The following CELA3B variants were observed in gnomAD, a reference collection of about 807,000 sequenced individuals.
CELA3B encodes chymotrypsin-like elastase family member 3B.
CELA3B carries 34 observed loss-of-function variants against 37.2 expected under a neutral mutation model. The ratio of observed to expected loss-of-function variants is 0.91; its 90% confidence interval spans 0.70 to 1.22. CELA3B has a LOEUF of 1.22. CELA3B is among the 50% of genes most tolerant of loss of function. CELA3B has a pLI of 0.00. For missense variants in CELA3B, 340 were observed against 363.1 expected (o/e 0.94, Z 0.52); for synonymous variants, 127 against 143.5 (o/e 0.89, Z 0.82).
intron 4 of CELA3B, among the ~76,000 whole-genome samples, chr1:21,995,304 A>C (rs1408895939): frequency 2.0e-5 from 3 of 150,450 alleles, no homozygotes; most frequent in Non-Finnish European, 3.0e-5. Context: ...ACGTCTGGCT[A>C]ATTTTTGTAT....
intron 2 of CELA3B, among the ~76,000 whole-genome samples, chr1:21,979,686 T>A (rs1644793546): frequency 6.6e-6 from 1 of 151,182 alleles, no homozygotes; most frequent in Non-Finnish European, 1.5e-5. Context: ...ACTTCTGAGC[T>A]CCAGTGATCC....
At chr1:21,993,658 C>G (rs1299761535), downstream of CELA3B, among the ~76,000 whole-genome samples, 1 of 148,016 alleles carries the variant, frequency 6.8e-6, no homozygotes, top group South Asian at 2.1e-4. Flanking sequence ...ATCCTCGCAC[C>G]TCAACCTCCC....
chr1:21,998,552 T>G (rs1174423186), exon 5 of CELA3B: 2 of 172,554 alleles, frequency 1.2e-5, no homozygotes, highest in East Asian at 1.4e-4. Flanking sequence ...TCAACCGTGC[T>G]TTCAGGGTAG....
At chr1:21,986,081 A>G (rs1170969138) in intron 6 of CELA3B, among the ~76,000 whole-genome samples, 2 of 141,600 alleles carry the variant, frequency 1.4e-5, no homozygotes, top group Non-Finnish European at 1.5e-5. Context: ...CCTATCACAA[A>G]TGAGTCAGCT....
intron 4 of CELA3B, among the ~76,000 whole-genome samples, chr1:21,995,116 A>G (rs1189693841): frequency 1.4e-5 from 2 of 147,508 alleles, no homozygotes; most frequent in South Asian, 2.1e-4. Context: ...GCTGTCCCCA[A>G]TATTGGCTCT....
At position 21,977,063 on chromosome 1, in the gene CELA3B, C is replaced by T; in HGVS notation, c.24C>T (p.Ser8=). Residue 8 remains serine, a synonymous_variant, in exon 1 of 8, where the codon TCC becomes TCT. Coordinates refer to ENST00000337107, the MANE Select transcript of CELA3B (RefSeq NM_007352.4). ...TCATGATGCTCCGGCTGCTCAGTTC[C>T]CTCCTCCTTGTGGCCGTTGGTAAGA... MMLRLLS[S]LLLVAVASGY... The T allele has an allele frequency of 6.2e-7, 1 of 1,614,156 alleles. No individual in the cohort carries two copies. Among genetic ancestry groups the T allele is most frequent in the South Asian group, 1.1e-5 (1 of 91,080 alleles).
intron 6 of CELA3B, among the ~76,000 whole-genome samples, chr1:21,984,788 A>T (rs1255218292): frequency 3.3e-5 from 5 of 152,000 alleles, no homozygotes; most frequent in Non-Finnish European, 4.4e-5. Context: ...CTCTACTAAA[A>T]ATACAAAAAT....
intron 7 of CELA3B, among the ~76,000 whole-genome samples, 177 bp from the exon 8 acceptor site, chr1:21,989,085 C>T (rs1245345964): frequency 1.3e-5 from 2 of 151,952 alleles, no homozygotes; most frequent in African/African-American, 4.9e-5. Flanking sequence ...CAAGAACCCC[C>T]CCATGAGGTA....
chr1:21,978,506 G>C, intron 2 of CELA3B, 52 bp downstream of exon 2: 2 of 1,597,738 alleles, frequency 1.3e-6, no homozygotes, highest in African/African-American at 1.3e-5. Flanking sequence ...TGGACCCTAA[G>C]CTCTAATGGC....
rs202069060 is a variant in CELA3B at position 21,977,031 on chromosome 1, G to T, written c.-9G>T. On this transcript the variant is annotated 5_prime_UTR_variant, in exon 1 of 8. Transcript: ENST00000337107. ...GGTTCTGTGCCCTTTTCCTATCATC[G>T]CAAAACTCATGATGCTCCGGCTGCT... 1 of 1,584,936 alleles carries T rather than the reference G, an allele frequency of 6.3e-7. No individual in the cohort carries two copies. The highest frequency in any genetic ancestry group is 8.6e-7 in the Non-Finnish European group (1 of 1,164,790).
At chr1:21,980,438 C>T (rs1173038997) in intron 2 of CELA3B, among the ~76,000 whole-genome samples, 1 of 152,116 alleles carries the variant, frequency 6.6e-6, no homozygotes, top group African/African-American at 2.4e-5. Context: ...GAGATTGCCA[C>T]CATTGCACTC....
At chr1:21,992,417 A>T (rs1644872529), downstream of CELA3B, among the ~76,000 whole-genome samples, 1 of 151,812 alleles carries the variant, frequency 6.6e-6, no homozygotes, top group African/African-American at 2.4e-5. Flanking sequence ...AAGCATGACA[A>T]CAAGACCCTG....
rs780470474 is a variant in CELA3B at position 21,978,451 on chromosome 1, G to T, written c.126G>T (p.Trp42Cys). 2 of 1,614,050 alleles carry T rather than the reference G, an allele frequency of 1.2e-6. No individual in the cohort carries two copies. Among genetic ancestry groups the T allele is most frequent in the Admixed American group, 1.7e-5 (1 of 60,014 alleles). Residue 42 changes from tryptophan (W) to cysteine (C), a missense_variant, in exon 2 of 8, where the codon TGG (tryptophan) becomes TGT (cysteine). By Grantham distance (215) the Trp-to-Cys change is radical. Coordinates refer to ENST00000337107, the MANE Select transcript of CELA3B (RefSeq NM_007352.4). ...ATGCGGTCCCCTACAGCTGGCCCTG[G>T]CAGGTAAGAGCAATAGCAGCTGCCC... Reference protein sequence around the residue: ...GEDAVPYSWPWQVSLQYEKSG... With the variant: ...GEDAVPYSWPCQVSLQYEKSG...
chr1:21,986,480 C>G, intron 6 of CELA3B, 51 bp from the exon 7 acceptor site: 1 of 1,603,490 alleles, frequency 6.2e-7, no homozygotes, highest in Non-Finnish European at 8.5e-7. Context: ...AGAACCAGTT[C>G]CATAAACCTC....
downstream of CELA3B, among the ~76,000 whole-genome samples, chr1:21,992,309 C>T (rs1219981568): frequency 6.6e-6 from 1 of 151,678 alleles, no homozygotes; most frequent in Non-Finnish European, 1.5e-5. Flanking sequence ...AGGAGGGTAG[C>T]TTGAAGCTAG....
rs1027893323 is a variant in CELA3B, at chr1:21,998,258, C to G, written c.*69C>G. 4.3e-5 allele frequency: 20 copies of G among 460,340 alleles called. 3 individuals are homozygous for G. Among genetic ancestry groups the G allele is most frequent in the African/African-American group, 3.9e-4 (19 of 49,116 alleles). 28.5% of individuals were successfully genotyped at this position (460,340 alleles called of 1,614,324 possible). On this transcript the variant is annotated 3_prime_UTR_variant, in exon 5 of 5. Transcript: ENST00000400277. ...CTCTGAGAAGTCCTGTAGGAAAGGA[C>G]AATTTGAACTTTGTTTGAGCTCATA...
intron 4 of CELA3B, among the ~76,000 whole-genome samples, chr1:21,983,085 C>T (rs919712324): frequency 6.6e-6 from 1 of 152,182 alleles, no homozygotes; most frequent in East Asian, 1.9e-4. Context: ...CGCGGTGGCT[C>T]ATGCCTGTAA....
downstream of CELA3B, among the ~76,000 whole-genome samples, chr1:21,992,257 G>T (rs1336746876): frequency 6.6e-6 from 1 of 151,686 alleles, no homozygotes; most frequent in African/African-American, 2.4e-5. Flanking sequence ...GCTGGGCATG[G>T]TGGCATGTGC....
chr1:21,994,425 A>C (rs1644880984), intron 4 of CELA3B, among the ~76,000 whole-genome samples: 1 of 150,716 alleles, frequency 6.6e-6, no homozygotes, highest in Non-Finnish European at 1.5e-5. Flanking sequence ...GAGCTGTACT[A>C]ATCTCTGGGT....
Sources: gnomAD v4.1 joint callset for allele counts (sites outside exome capture counted in the v4.1 genomes callset) on GRCh38, gnomAD v4.1.1 for gene constraint, MANE v1.5 for transcripts, NCBI Gene and HGNC (gene_info 2026-07-23, HGNC 2026-07-21) for gene names.